Variants in HNRNPF observed in about 807,000 individuals in gnomAD.
HNRNPF encodes the protein heterogeneous nuclear ribonucleoprotein F.
HNRNPF carries 2 observed loss-of-function variants against 26.0 expected under a neutral mutation model. The ratio of observed to expected loss-of-function variants is 0.08; its 90% CI spans 0.03 to 0.24. The LOEUF is 0.24. Ranked by LOEUF, HNRNPF falls within the 10% of genes least tolerant of loss-of-function variation. The pLI is 1.00. For missense variants in HNRNPF, 299 were observed against 539.2 expected (o/e 0.55, Z 4.41); for synonymous variants, 234 against 211.5 (o/e 1.11, Z -0.92).
chr10:43,396,703 G>A (rs1455035738), intron 1 of HNRNPF, 113 bp from the exon 2 acceptor site: 3 of 152,160 alleles, frequency 2.0e-5, no homozygotes, highest in East Asian at 3.9e-4. Context: ...ACAAGGTGAC[G>A]GCGACGTTCC....
chr10:43,395,622 GGAAACCTATTCAGGGGT>G (rs1423821540), intron 2 of HNRNPF, among the ~76,000 whole-genome samples: 1 of 152,162 alleles, frequency 6.6e-6, no homozygotes. Context: ...ACATTTATTA[GGAAACCTATTCAGGGGT>G]GAAACAGTTT....
chr10:43,396,767 G>A (rs1469022813), intron 1 of HNRNPF, 177 bp from the exon 2 acceptor site: 1 of 151,984 alleles, frequency 6.6e-6, no homozygotes, highest in Non-Finnish European at 1.5e-5. Flanking sequence ...CCGGCAGGAA[G>A]GTCGGCCCCA....
At chr10:43,399,867 T>A (rs56037308) in intron 1 of HNRNPF, among the ~76,000 whole-genome samples, 16,449 of 152,008 alleles carry the variant, frequency 0.11, 911 homozygotes, top group Non-Finnish European at 0.12. Flanking sequence ...AATCAAGAAA[T>A]GTACAAATAT....
intron 3 of HNRNPF, among the ~76,000 whole-genome samples, chr10:43,391,883 T>C (rs1412613833): frequency 6.6e-6 from 1 of 152,170 alleles, no homozygotes; most frequent in Non-Finnish European, 1.5e-5. Context: ...TCTAGCTACT[T>C]GTTGATTTGT....
chr10:43,405,525 G>A (rs1429745253), intron 1 of HNRNPF, among the ~76,000 whole-genome samples: 1 of 151,876 alleles, frequency 6.6e-6, no homozygotes, highest in Non-Finnish European at 1.5e-5. Context: ...GCATGGTGGC[G>A]GCCGCCTGTA....
chr10:43,388,966 AT>A (rs141503011), intron 3 of HNRNPF, among the ~76,000 whole-genome samples: 2,014 of 127,046 alleles, frequency 0.016, 17 homozygotes, highest in African/African-American at 0.034. Context: ...AGTATATGGA[AT>A]TTTTTTTTTT....
chr10:43,389,345 T>C (rs534756346), intron 3 of HNRNPF, among the ~76,000 whole-genome samples: 6 of 152,124 alleles, frequency 3.9e-5, no homozygotes, highest in Admixed American at 6.5e-5. Context: ...TCAAGAAATA[T>C]GGGCTCATCA....
rs917654157 is a variant in HNRNPF at position 43,387,296 on chromosome 10, G to A, written c.589C>T (p.Pro197Ser). 2 of 1,614,224 alleles carry A rather than the reference G, an allele frequency of 1.2e-6. No individual in the cohort carries two copies. Among genetic ancestry groups the A allele is most frequent in the Non-Finnish European group, 1.7e-6 (2 of 1,180,042 alleles). The change falls in exon 4 of 4, where the codon CCC becomes TCC. Residue 197 changes from proline (P) to serine (S), a missense_variant. Physicochemically the swap from Pro to Ser is moderately conservative, Grantham distance 74. Coordinates refer to ENST00000682386, the MANE Select transcript of HNRNPF (RefSeq NM_001098204.2). This position sits in a 1 kb window ranked among gnomAD's most constrained non-coding sequence, Gnocchi z 6.0. ...TGCACGGACATGAACTTCAGAGGGGGATCTGAGTATGACCTAACTTCCTCC... is the reference window on the plus strand; with the variant it reads ...TGCACGGACATGAACTTCAGAGGGGAATCTGAGTATGACCTAACTTCCTCC... The part of the protein sequence containing the change: ...SQEEVRSYSD[P>S]PLKFMSVQRP...
chr10:43,392,628 C>A (rs997738437), intron 3 of HNRNPF, among the ~76,000 whole-genome samples: 1 of 152,340 alleles, frequency 6.6e-6, no homozygotes, highest in East Asian at 1.9e-4. Context: ...TCTTACTTAA[C>A]CATTCTTTCC....
At chr10:43,406,751 T>TC (rs1032847528) in intron 1 of HNRNPF, among the ~76,000 whole-genome samples, 12 of 151,966 alleles carry the variant, frequency 7.9e-5, no homozygotes, top group Admixed American at 7.9e-4. Context: ...CAAGCGATCC[T>TC]CCCACACCTC....
chr10:43,408,064 G>A (rs1171970234), intron 1 of HNRNPF, among the ~76,000 whole-genome samples: 1 of 152,128 alleles, frequency 6.6e-6, no homozygotes, highest in Admixed American at 6.5e-5. Context: ...TGGGACAACA[G>A]GCGCGCGCCA....
At chr10:43,396,851 A>T (rs1838547312) in intron 1 of HNRNPF, 1 of 88,488 alleles carries the variant, frequency 1.1e-5, no homozygotes. Flanking sequence ...GAGTGGGGGC[A>T]GGGACGGGAG....
intron 3 of HNRNPF, among the ~76,000 whole-genome samples, chr10:43,393,028 C>G (rs1348171636): frequency 6.6e-6 from 1 of 152,210 alleles, no homozygotes; most frequent in Non-Finnish European, 1.5e-5. Context: ...CAAATCCAAT[C>G]AACTCAACTC....
chr10:43,386,501 G>A lies in HNRNPF; in HGVS notation c.*136C>T, dbSNP rs1448907620. 2 of 804,040 alleles carry A rather than the reference G, an allele frequency of 2.5e-6. No individual in the cohort carries two copies. The highest frequency in any genetic ancestry group is 2.6e-5 in the East Asian group (1 of 38,162). 49.8% of individuals were successfully genotyped at this position (804,040 alleles called of 1,614,324 possible). ...TTTTGCATGAGAAAACACTGAAGAG[G>A]TAATTTTTTAATCCAGATTTTTCAC... On this transcript the variant is annotated 3_prime_UTR_variant, in exon 4 of 4. Transcript: ENST00000682386.
intron 1 of HNRNPF, chr10:43,397,184 C>A (rs1243123404): frequency 6.6e-6 from 1 of 152,030 alleles, no homozygotes; most frequent in Non-Finnish European, 1.5e-5. Flanking sequence ...CGGCGGCTCA[C>A]CACGCCAGGG....
chr10:43,404,301 T>TAAA lies in HNRNPF; in HGVS notation c.-247+4827_-247+4829dup, dbSNP rs5784599. 1.9e-3 allele frequency among the ~76,000 whole-genome samples: 256 copies of TAAA among 135,274 alleles called. 1 individual carries two copies. The highest frequency in any genetic ancestry group is 3.8e-3 in the Middle Eastern group (1 of 262). The allele number at this position is 135,274 out of a possible 152,430, so 88.7% of individuals were successfully genotyped here. On this transcript the variant is annotated intron_variant, in intron 1 of 3. Transcript: ENST00000682386. ...GGGTGACAGAGTGAGAATCCGTCTA[T>TAAA]AAAAAAAAAAAAAAAGGAAAACAAA...
chr10:43,396,272 G>C (rs1050298218), intron 2 of HNRNPF, among the ~76,000 whole-genome samples, 184 bp downstream of exon 2: 2 of 152,212 alleles, frequency 1.3e-5, no homozygotes, highest in Admixed American at 6.5e-5. Context: ...TTCAGGACAG[G>C]ACTCGAGGAA....
intron 3 of HNRNPF, 113 bp from the exon 4 acceptor site, chr10:43,388,049 A>AAG: frequency 1.7e-6 from 1 of 601,444 alleles, no homozygotes. Context: ...ATTGAGAGCT[A>AAG]AGAGTTAACT....
chr10:43,388,053 G>C (rs1055812647), intron 3 of HNRNPF, 117 bp from the exon 4 acceptor site: 5 of 592,684 alleles, frequency 8.4e-6, no homozygotes, highest in Non-Finnish European at 1.5e-5. Flanking sequence ...AGAGCTAAGA[G>C]TTAACTCCAG....
Sources: gnomAD v4.1 joint callset for allele counts (sites outside exome capture counted in the v4.1 genomes callset) on GRCh38, gnomAD v4.1.1 for gene constraint, Gnocchi (gnomAD v3.1) non-coding constraint, MANE v1.5 for transcripts, NCBI Gene and HGNC (gene_info 2026-07-23, HGNC 2026-07-21) for gene names.